The following NTN1 variants were observed in gnomAD, a reference collection of about 807,000 sequenced individuals.
NTN1 encodes netrin 1.
A neutral mutation model predicts 54.2 loss-of-function variants in NTN1; 11 were observed. The ratio of observed to expected loss-of-function variants is 0.20; its 90% CI spans 0.13 to 0.34. The LOEUF (loss-of-function observed/expected upper bound fraction) is 0.34, where lower values mean the gene tolerates loss of function less well. Among genes scored for constraint, NTN1 ranks in the 10% least tolerant of loss-of-function variants. The pLI is 1.00. For missense variants in NTN1, 740 were observed against 893.1 expected (o/e 0.83, Z 2.18); for synonymous variants, 371 against 382.0 (o/e 0.97, Z 0.33).
intron 5 of NTN1, among the ~76,000 whole-genome samples, chr17:9,206,906 A>G (rs375679127): frequency 9.2e-5 from 14 of 152,122 alleles, no homozygotes; most frequent in African/African-American, 3.4e-4. Context: ...GTTTTGCAGC[A>G]TTTTCCAAAA....
chr17:9,200,089 C>A (rs998909129), intron 5 of NTN1, among the ~76,000 whole-genome samples: 5 of 152,236 alleles, frequency 3.3e-5, no homozygotes, highest in Non-Finnish European at 5.9e-5. Flanking sequence ...GCCGGGTGGA[C>A]GTTACAGGAC....
At chr17:9,018,885 T>C (rs561850512), upstream of NTN1, among the ~76,000 whole-genome samples, 6 of 152,362 alleles carry the variant, frequency 3.9e-5, no homozygotes, top group East Asian at 1.2e-3. Context: ...TTTGGGGATG[T>C]TGTCAGGGAC....
At chr17:9,229,683 G>A (rs1905739940) in intron 6 of NTN1, among the ~76,000 whole-genome samples, 1 of 152,150 alleles carries the variant, frequency 6.6e-6, no homozygotes, top group Admixed American at 6.5e-5. Context: ...GGATGTCCGA[G>A]ATGATGGAGC....
intron 2 of NTN1, among the ~76,000 whole-genome samples, chr17:9,122,339 A>G (rs979467746): frequency 1.3e-5 from 2 of 152,142 alleles, no homozygotes; most frequent in Admixed American, 6.5e-5. Flanking sequence ...CAGCCCTCTG[A>G]GTTACATTTT....
chr17:9,228,354 C>T (rs1339255457), intron 6 of NTN1, among the ~76,000 whole-genome samples: 3 of 152,142 alleles, frequency 2.0e-5, no homozygotes, highest in South Asian at 2.1e-4. Context: ...AGAGCGGGGG[C>T]GTTCAGTGCA....
rs148190286 is a variant in NTN1 at position 9,124,440 on chromosome 17, C to T, written c.1019-38373C>T. 2.4e-4 allele frequency among the ~76,000 whole-genome samples: 37 copies of T among 152,304 alleles called. 1 individual carries two copies. The East Asian group carries it at 6.9e-3, about 29-fold the overall frequency. ...CTGAGCAGGCCTGTGGGTGGGAAGC[C>T]GGCTGGGTGGTCTGCCCAGACTTCC... On this transcript the variant is annotated intron_variant, in intron 2 of 6. Coordinates refer to ENST00000173229, the MANE Select transcript of NTN1 (RefSeq NM_004822.3).
chr17:9,007,278 T>A, the NTN1 span, among the ~76,000 whole-genome samples: 1 of 150,814 alleles, frequency 6.6e-6, no homozygotes, highest in African/African-American at 2.4e-5. Context: ...TTCTTTTCTT[T>A]CATCCCTTCC....
chr17:9,222,807 T>A (rs1905404679), intron 6 of NTN1, among the ~76,000 whole-genome samples: 1 of 152,190 alleles, frequency 6.6e-6, no homozygotes, highest in African/African-American at 2.4e-5. Context: ...CAGGACCTTT[T>A]AGCACAGTGA....
At chr17:9,220,793 T>C (rs141866945) in intron 5 of NTN1, among the ~76,000 whole-genome samples, 1,610 of 151,170 alleles carry the variant, frequency 0.011, 11 homozygotes, top group Middle Eastern at 0.051. Flanking sequence ...GGGCGCGGGG[T>C]GACAATGAGG....
intron 2 of NTN1, among the ~76,000 whole-genome samples, chr17:9,072,129 G>C (rs1290319941): frequency 1.3e-5 from 2 of 152,170 alleles, no homozygotes; most frequent in Non-Finnish European, 2.9e-5. Context: ...GAACCCCAAG[G>C]GGAGCACTTT....
chr17:9,193,806 C>T (rs562302347), intron 5 of NTN1, among the ~76,000 whole-genome samples: 3 of 149,948 alleles, frequency 2.0e-5, no homozygotes, highest in Non-Finnish European at 4.4e-5. Flanking sequence ...CCTGTAACCC[C>T]AGCTACTTGG....
intron 5 of NTN1, among the ~76,000 whole-genome samples, chr17:9,194,904 A>G (rs532308451): frequency 1.3e-5 from 2 of 152,316 alleles, no homozygotes; most frequent in South Asian, 4.1e-4. Flanking sequence ...CAGACCCACA[A>G]AAATGGCAAT....
rs2092166609 is a variant in NTN1 at position 9,106,467 on chromosome 17, C to CCTT, written c.1019-56345_1019-56344insTTC. Among the ~76,000 whole-genome samples, 149 of 120,132 alleles carry CCTT rather than the reference C, an allele frequency of 1.2e-3. 6 individuals carry two copies. Among genetic ancestry groups the CCTT allele is most frequent in the Non-Finnish European group, 2.2e-3 (124 of 56,418 alleles). The allele number at this position is 120,132 out of a possible 152,430, so 78.8% of individuals were successfully genotyped here. On this transcript the variant is annotated intron_variant, in intron 2 of 6. Transcript: ENST00000173229. ...AATGGCATTTCCTTCCTTCCTTCCT[C>CCTT]CCTTCCTTCCTTCCTTCCTTCCTTC...
intron 6 of NTN1, among the ~76,000 whole-genome samples, chr17:9,234,302 C>G (rs527738280): frequency 1.3e-5 from 2 of 152,328 alleles, no homozygotes; most frequent in South Asian, 4.1e-4. Flanking sequence ...CTGCCCCACC[C>G]CACCTGCATG....
At chr17:9,225,820 C>G (rs72814107) in intron 6 of NTN1, among the ~76,000 whole-genome samples, 1 of 152,198 alleles carries the variant, frequency 6.6e-6, no homozygotes, top group Non-Finnish European at 1.5e-5. Flanking sequence ...TTTCCTTCAC[C>G]CAGGGCACTT....
chr17:9,227,259 C>T (rs1905601453), intron 6 of NTN1, among the ~76,000 whole-genome samples: 1 of 150,326 alleles, frequency 6.7e-6, no homozygotes, highest in South Asian at 2.1e-4. Flanking sequence ...CACACTTTAT[C>T]ACACAGGCAC....
chr17:9,168,012 T>A (rs918880796), intron 3 of NTN1, among the ~76,000 whole-genome samples: 49 of 152,026 alleles, frequency 3.2e-4, no homozygotes, highest in Non-Finnish European at 2.4e-4. Flanking sequence ...GCATTTGGAA[T>A]TGGAAAAGCT....
At chr17:9,040,834 G>T (rs1438445061) in intron 2 of NTN1, among the ~76,000 whole-genome samples, 3 of 151,886 alleles carry the variant, frequency 2.0e-5, no homozygotes, top group African/African-American at 7.3e-5. Flanking sequence ...GAGAGATAAG[G>T]TCTTGATTGG....
intron 5 of NTN1, among the ~76,000 whole-genome samples, chr17:9,188,029 T>C (rs993752054): frequency 5.1e-4 from 78 of 152,320 alleles, no homozygotes; most frequent in Admixed American, 9.2e-4. Flanking sequence ...GTTTAATAGG[T>C]ACAGGTTTTC....
Sources: allele counts gnomAD v4.1 joint callset (sites outside exome capture counted in the v4.1 genomes callset), GRCh38; gene constraint gnomAD v4.1.1; transcripts MANE v1.5; gene names NCBI Gene and HGNC (gene_info 2026-07-23, HGNC 2026-07-21).